The following KCNMB2 variants were observed in gnomAD, a reference collection of about 807,000 sequenced individuals.
KCNMB2 encodes the protein potassium calcium-activated channel subfamily M regulatory beta subunit 2, also known as calcium-activated potassium channel subunit beta-2.
Under a neutral mutation model 24.5 loss-of-function variants are expected in KCNMB2, and 9 were observed. The observed-to-expected ratio is 0.37, with a 90% CI of 0.22 to 0.64. The LOEUF is 0.64. Among genes scored for constraint, KCNMB2 ranks in the 30% least tolerant of loss-of-function variants. The pLI is 0.63. For missense variants in KCNMB2, 226 were observed against 284.3 expected (o/e 0.79, Z 1.47); for synonymous variants, 109 against 104.4 (o/e 1.04, Z -0.27).
At chr3:178,561,772 G>A (rs1716325066) in intron 1 of KCNMB2, among the ~76,000 whole-genome samples, 2 of 152,192 alleles carry the variant, frequency 1.3e-5, no homozygotes, top group South Asian at 2.1e-4. Context: ...AGCAACTATA[G>A]TGTATGTGCA....
At chr3:178,753,178 T>A (rs1401992418) in intron 1 of KCNMB2, among the ~76,000 whole-genome samples, 2 of 152,224 alleles carry the variant, frequency 1.3e-5, no homozygotes, top group Non-Finnish European at 1.5e-5. Context: ...GTAGTGATAG[T>A]TATGTCTGTA....
chr3:178,788,314 C>T (rs535231904), intron 1 of KCNMB2, among the ~76,000 whole-genome samples: 6 of 152,244 alleles, frequency 3.9e-5, no homozygotes, highest in African/African-American at 1.4e-4. Context: ...TGATTATTCA[C>T]TTGTACAGCT....
intron 1 of KCNMB2, among the ~76,000 whole-genome samples, chr3:178,568,647 C>T (rs1716615472): frequency 6.6e-6 from 1 of 151,126 alleles, no homozygotes; most frequent in Non-Finnish European, 1.5e-5. Flanking sequence ...ACATCATAAC[C>T]AGCACTTTTC....
chr3:178,651,277 C>T (rs1720109759), intron 1 of KCNMB2, among the ~76,000 whole-genome samples: 1 of 152,008 alleles, frequency 6.6e-6, no homozygotes, highest in South Asian at 2.1e-4. Flanking sequence ...CATTCCTATT[C>T]ACCAAACAGA....
rs553908544 is a variant in KCNMB2 at position 178,588,733 on chromosome 3, G to A, written c.-68+52022G>A. 3.3e-5 allele frequency among the ~76,000 whole-genome samples: 5 copies of A among 152,034 alleles called. No homozygotes were observed. In the East Asian group the frequency reaches 7.7e-4, roughly 23 times the overall value. ...AGCCACTCTGGGAGGTAGCTATTAC[G>A]ACTTCCGTTTGAAGACACTGAACCC... On this transcript the variant is annotated intron_variant, in intron 1 of 4. Coordinates refer to ENST00000452583, the MANE Select transcript of KCNMB2 (RefSeq NM_181361.3).
At chr3:178,621,453 G>A (rs905843639) in intron 1 of KCNMB2, among the ~76,000 whole-genome samples, 1 of 150,066 alleles carries the variant, frequency 6.7e-6, no homozygotes, top group Non-Finnish European at 1.5e-5. Flanking sequence ...ATTTCTTTGG[G>A]TTTCTGCTTA....
At chr3:178,761,942 C>A (rs34886170) in intron 1 of KCNMB2, among the ~76,000 whole-genome samples, 1 of 151,980 alleles carries the variant, frequency 6.6e-6, no homozygotes, top group Admixed American at 6.6e-5. Context: ...GAGGCCGAGG[C>A]GGGCGGATCA....
intron 2 of KCNMB2, among the ~76,000 whole-genome samples, chr3:178,822,845 C>G (rs1391809399): frequency 1.3e-5 from 2 of 152,198 alleles, no homozygotes; most frequent in Non-Finnish European, 2.9e-5. Context: ...TACACTTCTT[C>G]TCTTTTATGG....
At chr3:178,624,150 A>G (rs1380747180) in intron 1 of KCNMB2, among the ~76,000 whole-genome samples, 5 of 152,164 alleles carry the variant, frequency 3.3e-5, no homozygotes, top group Non-Finnish European at 7.3e-5. Flanking sequence ...CCAGCATTCA[A>G]GTAAGGGCAG....
chr3:178,579,559 C>T (rs1188074915), intron 1 of KCNMB2, among the ~76,000 whole-genome samples: 2 of 151,956 alleles, frequency 1.3e-5, no homozygotes, highest in African/African-American at 4.8e-5. Context: ...AAAAACCCTT[C>T]AAAAAATCAA....
chr3:178,563,594 A>G lies in KCNMB2; in HGVS notation c.-68+26883A>G, dbSNP rs80329357. Among the ~76,000 whole-genome samples the G allele has an allele frequency of 1.4e-3, 210 of 152,306 alleles. 1 individual carries two copies. Among genetic ancestry groups the G allele is most frequent in the African/African-American group, 4.9e-3 (203 of 41,576 alleles). Reference sequence around the variant, plus strand: ...GGTCTTGCATCACATTTCACTTCTCAGACAGGACTCATCCCTGCTTTGAGA... The same window carrying G: ...GGTCTTGCATCACATTTCACTTCTCGGACAGGACTCATCCCTGCTTTGAGA... On this transcript the variant is annotated intron_variant, in intron 1 of 4. Coordinates refer to ENST00000452583, the MANE Select transcript of KCNMB2 (RefSeq NM_181361.3).
At chr3:178,586,538 C>CTTTTTTTTTTTTTTTTTTTTTTTTTTT (rs10677144) in intron 1 of KCNMB2, among the ~76,000 whole-genome samples, 3 of 68,496 alleles carry the variant, frequency 4.4e-5, no homozygotes, top group East Asian at 5.2e-4. Flanking sequence ...TTTTTTCTTT[C>CTTTTTTTTTTTTTTTTTTTTTTTTTTT]TTTTTTTTTT....
chr3:178,665,405 G>A (rs979618937), intron 1 of KCNMB2, among the ~76,000 whole-genome samples: 6 of 152,000 alleles, frequency 3.9e-5, no homozygotes, highest in Admixed American at 3.9e-4. Context: ...TACTGAGCTG[G>A]CAACCCAGCA....
chr3:178,722,007 T>C (rs1172017999), intron 1 of KCNMB2, among the ~76,000 whole-genome samples: 1 of 152,206 alleles, frequency 6.6e-6, no homozygotes. Flanking sequence ...AGTCCATGGC[T>C]TGTATTTTTA....
At chr3:178,645,238 C>T (rs147029584) in intron 1 of KCNMB2, among the ~76,000 whole-genome samples, 44 of 151,864 alleles carry the variant, frequency 2.9e-4, no homozygotes, top group African/African-American at 8.4e-4. Flanking sequence ...TTAGTAGAGA[C>T]GGGGTTTCTC....
At chr3:178,700,728 A>C (rs1722059270) in intron 1 of KCNMB2, among the ~76,000 whole-genome samples, 2 of 152,178 alleles carry the variant, frequency 1.3e-5, no homozygotes, top group Admixed American at 1.3e-4. Context: ...TTTTCCAGCT[A>C]ACTCATCCCC....
intron 1 of KCNMB2, among the ~76,000 whole-genome samples, chr3:178,731,629 C>T (rs1723152551): frequency 6.6e-6 from 1 of 152,182 alleles, no homozygotes; most frequent in Non-Finnish European, 1.5e-5. Context: ...CCTAGCCGGG[C>T]ACAGTGGCTC....
intron 1 of KCNMB2, among the ~76,000 whole-genome samples, chr3:178,571,250 C>G (rs948837229): frequency 2.0e-5 from 3 of 151,274 alleles, no homozygotes; most frequent in Admixed American, 6.6e-5. Context: ...TTCCCTGGCT[C>G]TATTTGACAA....
At chr3:178,757,233 T>A (rs1387090391) in intron 1 of KCNMB2, 1 of 145,642 alleles carries the variant, frequency 6.9e-6, no homozygotes, top group Non-Finnish European at 1.5e-5. Flanking sequence ...AAAATTGTGG[T>A]ACACACATAC....
Sources: allele counts gnomAD v4.1 joint callset (sites outside exome capture counted in the v4.1 genomes callset), GRCh38; gene constraint gnomAD v4.1.1; transcripts MANE v1.5; gene names NCBI Gene and HGNC (gene_info 2026-07-23, HGNC 2026-07-21).